The following MACROD2 variants were observed in gnomAD, a reference collection of about 807,000 sequenced individuals.
MACROD2 encodes ADP-ribose glycohydrolase MACROD2.
MACROD2 carries 36 observed loss-of-function variants against 70.4 expected under a neutral mutation model. That is an observed-to-expected ratio of 0.51 (90% CI 0.39 to 0.68). The LOEUF is 0.68. Among genes scored for constraint, MACROD2 ranks in the 30% least tolerant of loss-of-function variants. The pLI, the probability that MACROD2 is intolerant of heterozygous loss-of-function variation, is 0.00. For synonymous variants in MACROD2, 172 were observed against 178.8 expected (o/e 0.96, Z 0.30); for missense variants, 496 against 538.4 (o/e 0.92, Z 0.78).
chr20:14,585,616 A>G (rs1219685013), intron 4 of MACROD2, among the ~76,000 whole-genome samples: 1 of 152,128 alleles, frequency 6.6e-6, no homozygotes, highest in South Asian at 2.1e-4. Context: ...TGCTCAGGTA[A>G]CTACTGCCAA....
At chr20:15,082,533 T>G (rs2047973014) in intron 5 of MACROD2, among the ~76,000 whole-genome samples, 1 of 138,480 alleles carries the variant, frequency 7.2e-6, no homozygotes, top group Non-Finnish European at 1.6e-5. Flanking sequence ...GTTTTTTTTT[T>G]TTTTTTTTTT....
intron 13 of MACROD2, among the ~76,000 whole-genome samples, chr20:15,968,027 C>T (rs946254901): frequency 2.0e-5 from 3 of 152,104 alleles, no homozygotes; most frequent in Non-Finnish European, 2.9e-5. Context: ...ACATAACAAA[C>T]AGAAATGAAA....
intron 8 of MACROD2, among the ~76,000 whole-genome samples, chr20:15,621,356 A>T (rs1179713524): frequency 1.3e-5 from 2 of 152,190 alleles, no homozygotes; most frequent in Non-Finnish European, 2.9e-5. Flanking sequence ...AAGGTTTTTC[A>T]GCTTGACTGG....
intron 15 of MACROD2, among the ~76,000 whole-genome samples, chr20:15,991,734 A>G (rs1420710231): frequency 6.6e-6 from 1 of 152,172 alleles, no homozygotes; most frequent in African/African-American, 2.4e-5. Context: ...CAGCACAATC[A>G]TTTAGTTTTC....
chr20:15,166,189 A>G (rs148320855), intron 5 of MACROD2, among the ~76,000 whole-genome samples: 1 of 152,164 alleles, frequency 6.6e-6, no homozygotes, highest in African/African-American at 2.4e-5. Context: ...TTTCCTAAAA[A>G]ATCACTGGAT....
intron 8 of MACROD2, among the ~76,000 whole-genome samples, chr20:15,749,721 A>G (rs968386390): frequency 6.6e-6 from 1 of 152,122 alleles, no homozygotes; most frequent in South Asian, 2.1e-4. Flanking sequence ...AAATCTTCTT[A>G]CAAAATGAGA....
At chr20:15,306,693 A>C (rs2077701149) in intron 6 of MACROD2, among the ~76,000 whole-genome samples, 1 of 152,176 alleles carries the variant, frequency 6.6e-6, no homozygotes, top group Non-Finnish European at 1.5e-5. Flanking sequence ...CTGGGCTAAG[A>C]GTGTAATCAG....
At chr20:14,727,060 A>G (rs936473315) in intron 5 of MACROD2, among the ~76,000 whole-genome samples, 3 of 152,182 alleles carry the variant, frequency 2.0e-5, no homozygotes, top group African/African-American at 7.2e-5. Context: ...TAAAGTGTAT[A>G]CAATTTGTTC....
chr20:14,426,524 G>A (rs759089250), intron 3 of MACROD2, among the ~76,000 whole-genome samples: 9 of 152,048 alleles, frequency 5.9e-5, no homozygotes, highest in Non-Finnish European at 1.3e-4. Flanking sequence ...CAGATGTCTT[G>A]TAGTCTTTTG....
At chr20:15,186,709 T>C (rs2145909151) in intron 5 of MACROD2, among the ~76,000 whole-genome samples, 1 of 152,306 alleles carries the variant, frequency 6.6e-6, no homozygotes. Flanking sequence ...AACTGAAATT[T>C]ATATGTCCTT....
At chr20:15,646,436 T>C (rs2049543011) in intron 8 of MACROD2, among the ~76,000 whole-genome samples, 1 of 152,230 alleles carries the variant, frequency 6.6e-6, no homozygotes, top group African/African-American at 2.4e-5. Flanking sequence ...TTAGTTCCTT[T>C]AATCCTTAAA....
chr20:15,921,208 T>C lies in MACROD2; in HGVS notation c.776-12068T>C, dbSNP rs535712983. ...ACGGTCTTCACCTGGCTTCAATCCT[T>C]CCCCACTCCATTCGTTGTCTGCTCC... On this transcript the variant is annotated intron_variant, in intron 10 of 17. Coordinates refer to ENST00000684519, the MANE Select transcript of MACROD2 (RefSeq NM_001351661.2). 2.0e-5 allele frequency among the ~76,000 whole-genome samples: 3 copies of C among 152,180 alleles called. No homozygotes were observed. The East Asian group carries it at 5.8e-4, about 30-fold the overall frequency.
At chr20:15,227,823 G>GTT (rs59129207) in intron 5 of MACROD2, among the ~76,000 whole-genome samples, 4,711 of 45,890 alleles carry the variant, frequency 0.1, 1,429 homozygotes, top group Non-Finnish European at 0.14. Flanking sequence ...AATTTCACCT[G>GTT]TTTTTTTTTT....
rs189256882 is a variant in MACROD2, at chr20:15,727,790, T to C, written c.646-134955T>C. Among the ~76,000 whole-genome samples the C allele has an allele frequency of 2.0e-5, 3 of 152,242 alleles. No homozygotes were observed. In the East Asian group the frequency reaches 5.8e-4, roughly 29 times the overall value. ...TACTGATTTTTGTACTTTAAAACTT[T>C]GCTGAAGTTGATTATCAGATCTAGG... On this transcript the variant is annotated intron_variant, in intron 8 of 17. Coordinates refer to ENST00000684519, the MANE Select transcript of MACROD2 (RefSeq NM_001351661.2).
chr20:14,419,449 A>G (rs2083851539), intron 3 of MACROD2, among the ~76,000 whole-genome samples: 1 of 152,180 alleles, frequency 6.6e-6, no homozygotes, highest in Non-Finnish European at 1.5e-5. Flanking sequence ...TTCTGGAAAC[A>G]TTGTCTTTCT....
chr20:15,994,619 A>G (rs1786743842), intron 15 of MACROD2, among the ~76,000 whole-genome samples: 1 of 152,308 alleles, frequency 6.6e-6, no homozygotes, highest in African/African-American at 2.4e-5. Flanking sequence ...TTCAGAACTT[A>G]AGAGAATTCA....
intron 5 of MACROD2, among the ~76,000 whole-genome samples, chr20:14,855,199 C>T (rs980235847): frequency 2.2e-4 from 33 of 152,200 alleles, no homozygotes; most frequent in African/African-American, 7.7e-4. Context: ...CTTGGGAAGA[C>T]TTCTTTAGGC....
At chr20:14,352,292 T>C (rs1433471825) in intron 3 of MACROD2, 1 of 152,152 alleles carries the variant, frequency 6.6e-6, no homozygotes, top group Non-Finnish European at 1.5e-5. Flanking sequence ...TTTTTCAAGA[T>C]TGTGAGCAAG....
At chr20:15,108,361 C>A (rs879676220) in intron 5 of MACROD2, among the ~76,000 whole-genome samples, 8 of 152,156 alleles carry the variant, frequency 5.3e-5, no homozygotes, top group Non-Finnish European at 1.0e-4. Flanking sequence ...ATATGGAACT[C>A]AATAACTTGG....
Sources: gnomAD v4.1 joint callset for allele counts (sites outside exome capture counted in the v4.1 genomes callset) on GRCh38, gnomAD v4.1.1 for gene constraint, MANE v1.5 for transcripts, NCBI Gene and HGNC (gene_info 2026-07-23, HGNC 2026-07-21) for gene names.